Variants in CACNA1C observed in about 807,000 individuals in gnomAD.
CACNA1C encodes the protein calcium voltage-gated channel subunit alpha1 C, also known as voltage-dependent L-type calcium channel subunit alpha-1C.
Under a neutral mutation model 229.0 loss-of-function variants are expected in CACNA1C, and 30 were observed. The ratio of observed to expected loss-of-function variants is 0.13; its 90% CI spans 0.10 to 0.18. The LOEUF is 0.18. CACNA1C is among the 10% of genes least tolerant of loss of function. The pLI is 1.00. For missense variants in CACNA1C, 1,658 were observed against 2,845.0 expected (o/e 0.58, Z 9.49); for synonymous variants, 1,114 against 1,132.5 (o/e 0.98, Z 0.33).
chr12:2,669,581 C>A (rs574406796), intron 38 of CACNA1C, among the ~76,000 whole-genome samples: 1 of 152,280 alleles, frequency 6.6e-6, no homozygotes. Flanking sequence ...GAAGCAGGAC[C>A]AACCCCTGTC....
At chr12:2,041,757 A>G (rs2050152183) in intron 1 of CACNA1C, among the ~76,000 whole-genome samples, 1 of 152,374 alleles carries the variant, frequency 6.6e-6, no homozygotes, top group East Asian at 1.9e-4. Flanking sequence ...TTTTATGAAC[A>G]TTTACTTATC....
chr12:2,000,489 A>G (rs1270546512), intron 1 of CACNA1C, among the ~76,000 whole-genome samples: 1 of 152,108 alleles, frequency 6.6e-6, no homozygotes, highest in Non-Finnish European at 1.5e-5. Context: ...AAAACCTTTA[A>G]TGCCACATTT....
chr12:2,344,469 G>A (rs948601814), intron 3 of CACNA1C, among the ~76,000 whole-genome samples: 6 of 152,040 alleles, frequency 3.9e-5, no homozygotes, highest in African/African-American at 1.5e-4. Context: ...CTTATTAGGG[G>A]CATTTGCATT....
At chr12:2,234,734 G>A (rs756799501) in intron 3 of CACNA1C, among the ~76,000 whole-genome samples, 6 of 152,054 alleles carry the variant, frequency 3.9e-5, no homozygotes, top group Non-Finnish European at 7.3e-5. Context: ...TGCTTGTAAT[G>A]CAGTGATCTG....
At chr12:2,616,325 G>A (rs1407153500) in intron 29 of CACNA1C, among the ~76,000 whole-genome samples, 1 of 152,216 alleles carries the variant, frequency 6.6e-6, no homozygotes, top group Non-Finnish European at 1.5e-5. Flanking sequence ...AAGCCAGATG[G>A]TTTCTCTCAT....
intron 1 of CACNA1C, among the ~76,000 whole-genome samples, chr12:2,110,866 C>T (rs1341011650): frequency 2.0e-5 from 3 of 152,008 alleles, no homozygotes; most frequent in East Asian, 3.9e-4. Flanking sequence ...GGGGATCTAC[C>T]GCAGTGGGTG....
chr12:2,094,953 A>T (rs2073185526), intron 1 of CACNA1C, among the ~76,000 whole-genome samples: 1 of 152,234 alleles, frequency 6.6e-6, no homozygotes, highest in Non-Finnish European at 1.5e-5. Flanking sequence ...CTTCCCCCTG[A>T]GAACTTAGTC....
intron 3 of CACNA1C, among the ~76,000 whole-genome samples, chr12:2,159,323 C>T (rs1334991553): frequency 2.0e-5 from 3 of 151,880 alleles, no homozygotes; most frequent in Admixed American, 6.6e-5. Context: ...GGCGAGACCC[C>T]GTCTCTACAG....
intron 13 of CACNA1C, among the ~76,000 whole-genome samples, chr12:2,572,472 CCTT>C (rs1459629946): frequency 1.1e-4 from 8 of 71,276 alleles, no homozygotes; most frequent in Non-Finnish European, 2.0e-4. Flanking sequence ...TCCTCTTCCT[CCTT>C]CTCCTCTTCC....
Position 2,646,128 on chromosome 12 carries a change from T to TGAA in CACNA1C, c.3913-2345_3913-2343dup, listed in dbSNP as rs1425246508. 6.6e-6 allele frequency among the ~76,000 whole-genome samples: 1 copy of TGAA among 152,212 alleles called. No homozygotes were observed. Among genetic ancestry groups the TGAA allele is most frequent in the Non-Finnish European group, 1.5e-5 (1 of 68,036 alleles). The stretch of plus-strand genomic sequence containing the variant: ...TCTGAACAGATCCAAAGTCAAGTCT[T>TGAA]GAAGTGAAATATGACTTAAATAAAT... On this transcript the variant is annotated intron_variant, in intron 30 of 46. Coordinates refer to ENST00000399655, the MANE Select transcript of CACNA1C (RefSeq NM_000719.7). The surrounding 1 kb of genome is among the most constrained non-coding windows in gnomAD (Gnocchi z 4.6).
chr12:2,598,757 T>C (rs182749525), intron 21 of CACNA1C, among the ~76,000 whole-genome samples: 3 of 152,272 alleles, frequency 2.0e-5, no homozygotes, highest in East Asian at 3.9e-4. Flanking sequence ...CAGATACAAA[T>C]TGAATGGGGC....
chr12:2,044,298 C>T (rs1030334599), intron 1 of CACNA1C, among the ~76,000 whole-genome samples: 1 of 152,202 alleles, frequency 6.6e-6, no homozygotes, highest in African/African-American at 2.4e-5. Context: ...CTTGACAACT[C>T]TGCCCAGCTC....
In CACNA1C at chr12:2,029,850, T is replaced by C. The variant is rs1332239201; in HGVS notation, c.139+58649T>C. 6.6e-6 allele frequency among the ~76,000 whole-genome samples: 1 copy of C among 152,230 alleles called. No individual in the cohort carries two copies. Among genetic ancestry groups the C allele is most frequent in the Non-Finnish European group, 1.5e-5 (1 of 68,036 alleles). ...TAGCTGCTGCTATGCTGGTGGGACCTGCTCTGTTAGGTTCCCTGCCTGTCA... is the reference window on the plus strand; with the variant it reads ...TAGCTGCTGCTATGCTGGTGGGACCCGCTCTGTTAGGTTCCCTGCCTGTCA... On this transcript the variant is annotated intron_variant, in intron 1 of 46. Coordinates refer to the CACNA1C transcript ENST00000682462. This position sits in a 1 kb window ranked among gnomAD's most constrained non-coding sequence, Gnocchi z 4.9.
In CACNA1C at chr12:2,462,421, C is replaced by T. The variant is rs1195438128; in HGVS notation, c.757+4715C>T. On this transcript the variant is annotated intron_variant, in intron 5 of 46. Coordinates refer to ENST00000399655, the MANE Select transcript of CACNA1C (RefSeq NM_000719.7). ...CCTCACTCCCCGTTCATCCACCCTT[C>T]CCTGCTCCATTTCCCCACATCACCT... Among the ~76,000 whole-genome samples, 3 of 143,626 alleles carry T rather than the reference C, an allele frequency of 2.1e-5. No individual in the cohort carries two copies. The East Asian group carries it at 6.7e-4, about 32-fold the overall frequency. The allele number at this position is 143,626 out of a possible 152,430, so 94.2% of individuals were successfully genotyped here.
rs369264575 is a variant in CACNA1C at position 2,115,462 on chromosome 12, G to A, written c.288G>A (p.Thr96=). 12 of 1,613,362 alleles carry A rather than the reference G, an allele frequency of 7.4e-6. No individual in the cohort carries two copies. The highest frequency in any genetic ancestry group is 1.1e-5 in the South Asian group (1 of 91,088). The change falls in exon 2 of 47, where the codon ACG becomes ACA. Residue 96 remains threonine (T), a synonymous_variant. Transcript: ENST00000399655. ...AACCCAAGAAGCAGGGCAGCACCAC[G>A]GCCACACGCCCGCCCCGAGCCCTGC... is the stretch of plus-strand genomic sequence containing the variant. ...YGKPKKQGST[T]ATRPPRALLC...
At chr12:2,308,801 A>G (rs1282369040) in intron 3 of CACNA1C, among the ~76,000 whole-genome samples, 2 of 152,174 alleles carry the variant, frequency 1.3e-5, no homozygotes, top group African/African-American at 4.8e-5. Context: ...AAAACCCCAC[A>G]CCTGTCAGAA....
intron 5 of CACNA1C, among the ~76,000 whole-genome samples, chr12:2,469,748 A>C (rs1407401079): frequency 6.6e-6 from 1 of 152,228 alleles, no homozygotes. Context: ...TAGTCCTACT[A>C]ATAAATACTT....
intron 46 of CACNA1C, 126 bp downstream of exon 46, chr12:2,688,905 ACCCT>A (rs2097662646): frequency 1.3e-6 from 1 of 784,440 alleles, no homozygotes; most frequent in East Asian, 2.7e-5. Flanking sequence ...AGCCCGAAAG[ACCCT>A]CCCTCTCAGG....
At chr12:2,599,518 G>C (rs187592220) in intron 21 of CACNA1C, among the ~76,000 whole-genome samples, 1 of 152,298 alleles carries the variant, frequency 6.6e-6, no homozygotes, top group Admixed American at 6.5e-5. Context: ...CACAAAAAAA[G>C]ACAGGTTTCA....
Sources: gnomAD v4.1 joint callset for allele counts (sites outside exome capture counted in the v4.1 genomes callset) on GRCh38, gnomAD v4.1.1 for gene constraint, Gnocchi (gnomAD v3.1) non-coding constraint, MANE v1.5 for transcripts, NCBI Gene and HGNC (gene_info 2026-07-23, HGNC 2026-07-21) for gene names.